Variants in RGS6 observed in about 807,000 individuals in gnomAD.
The protein encoded by RGS6 is regulator of G-protein signaling 6.
Under a neutral mutation model 78.5 loss-of-function variants are expected in RGS6, and 30 were observed. That is an observed-to-expected ratio of 0.38 (90% CI 0.29 to 0.52). RGS6 has a LOEUF of 0.52. Ranked by LOEUF, RGS6 falls within the 20% of genes least tolerant of loss-of-function variation. The probability of loss-of-function intolerance (pLI) is 0.85; values close to 1 mark genes in which losing one functional copy is unlikely to be tolerated. For synonymous variants in RGS6, 206 were observed against 206.0 expected (o/e 1.00, Z 0.00); for missense variants, 495 against 609.7 (o/e 0.81, Z 1.98).
At chr14:72,247,431 G>A (rs995071903) in intron 2 of RGS6, among the ~76,000 whole-genome samples, 3 of 152,122 alleles carry the variant, frequency 2.0e-5, no homozygotes, top group Admixed American at 2.0e-4. Flanking sequence ...TTTAAAATCA[G>A]GTTTTTCTAA....
intron 2 of RGS6, among the ~76,000 whole-genome samples, chr14:72,327,136 CCT>C (rs1326292411): frequency 6.6e-6 from 1 of 152,138 alleles, no homozygotes; most frequent in Non-Finnish European, 1.5e-5. Context: ...TAATGTATCC[CCT>C]TTTTTATCTG....
chr14:71,947,518 T>C (rs941835560), intron 1 of RGS6, among the ~76,000 whole-genome samples: 7 of 152,178 alleles, frequency 4.6e-5, no homozygotes, highest in African/African-American at 1.7e-4. Flanking sequence ...AGGGTCTCAC[T>C]CTGTTGCCCA....
At chr14:72,121,218 C>T (rs2096043022) in intron 2 of RGS6, among the ~76,000 whole-genome samples, 1 of 152,210 alleles carries the variant, frequency 6.6e-6, no homozygotes. Flanking sequence ...TGCTCTTTGA[C>T]TCAGCTTTTA....
chr14:71,907,107 T>C, the RGS6 span, among the ~76,000 whole-genome samples: 1 of 152,208 alleles, frequency 6.6e-6, no homozygotes, highest in African/African-American at 2.4e-5. Context: ...AGACATGGTA[T>C]TGGATGTGGA....
the RGS6 span, among the ~76,000 whole-genome samples, chr14:71,891,111 T>A: frequency 6.6e-6 from 1 of 152,230 alleles, no homozygotes; most frequent in Admixed American, 6.5e-5. Context: ...CCAGTCTAAT[T>A]TTTTTAAAGC....
the RGS6 span, among the ~76,000 whole-genome samples, chr14:71,925,186 C>CAT: frequency 6.6e-6 from 1 of 152,158 alleles, no homozygotes; most frequent in Non-Finnish European, 1.5e-5. Context: ...ACATTCTTTT[C>CAT]ATATATGGGT....
chr14:72,146,270 C>T (rs933504818), intron 2 of RGS6, among the ~76,000 whole-genome samples: 4 of 152,224 alleles, frequency 2.6e-5, no homozygotes, highest in East Asian at 3.9e-4. Flanking sequence ...CCTCTCAACA[C>T]TCTTGCATTG....
intron 2 of RGS6, among the ~76,000 whole-genome samples, chr14:72,164,176 A>G (rs184889130): frequency 2.3e-4 from 35 of 152,216 alleles, no homozygotes; most frequent in African/African-American, 8.2e-4. Context: ...TAGTTGTAGC[A>G]TTTTGTTTTC....
At chr14:72,367,758 A>T (rs2190508) in intron 3 of RGS6, among the ~76,000 whole-genome samples, 1 of 151,946 alleles carries the variant, frequency 6.6e-6, no homozygotes. Context: ...TTGGCAATAC[A>T]GTTTGGAGTC....
intron 12 of RGS6, among the ~76,000 whole-genome samples, chr14:72,482,169 T>G (rs527774436): frequency 1.3e-5 from 2 of 152,338 alleles, no homozygotes; most frequent in East Asian, 3.9e-4. Flanking sequence ...CTTTACTTCC[T>G]AATAAAAGGA....
At chr14:72,270,533 G>A (rs1360198110) in intron 2 of RGS6, among the ~76,000 whole-genome samples, 1 of 152,216 alleles carries the variant, frequency 6.6e-6, no homozygotes, top group Non-Finnish European at 1.5e-5. Context: ...GTGGTTGGCG[G>A]CATTAGTTGA....
chr14:72,497,557 T>A (rs1469446054), intron 13 of RGS6, among the ~76,000 whole-genome samples: 1 of 152,192 alleles, frequency 6.6e-6, no homozygotes, highest in Admixed American at 6.5e-5. Flanking sequence ...TTGTATTAAC[T>A]TTTAAATGTT....
intron 17 of RGS6, among the ~76,000 whole-genome samples, chr14:72,546,089 G>A (rs1203524158): frequency 3.9e-5 from 6 of 152,124 alleles, no homozygotes; most frequent in Non-Finnish European, 8.8e-5. Context: ...AGGCTTTCTG[G>A]TTCCCCAGGG....
chr14:72,534,790 G>T (rs1180078764), intron 15 of RGS6, among the ~76,000 whole-genome samples: 1 of 152,142 alleles, frequency 6.6e-6, no homozygotes, highest in Non-Finnish European at 1.5e-5. Context: ...CCTGGAAAGA[G>T]CACCAAGGAA....
chr14:72,529,655 C>T (rs1468334), intron 15 of RGS6, among the ~76,000 whole-genome samples: 5 of 152,034 alleles, frequency 3.3e-5, no homozygotes, highest in Middle Eastern at 3.4e-3. Context: ...CAGACCCCCC[C>T]CTCCCTGCAA....
At chr14:72,303,835 C>A (rs757689982) in intron 2 of RGS6, among the ~76,000 whole-genome samples, 1 of 152,150 alleles carries the variant, frequency 6.6e-6, no homozygotes, top group Admixed American at 6.5e-5. Context: ...GTATTCTAAA[C>A]CTCTTCTTTC....
chr14:72,487,100 A>G (rs2096501267), intron 12 of RGS6, among the ~76,000 whole-genome samples: 1 of 152,012 alleles, frequency 6.6e-6, no homozygotes, highest in Admixed American at 6.6e-5. Flanking sequence ...AAACTCCAAG[A>G]TGCACTTTGC....
At chr14:72,401,813 A>C (rs575851685) in intron 3 of RGS6, among the ~76,000 whole-genome samples, 5 of 152,348 alleles carry the variant, frequency 3.3e-5, no homozygotes, top group African/African-American at 1.2e-4. Context: ...AGTCTTGCCA[A>C]ACATCCTGAG....
chr14:72,042,985 TA>T (rs930530141), intron 2 of RGS6, among the ~76,000 whole-genome samples: 19 of 152,196 alleles, frequency 1.2e-4, no homozygotes, highest in African/African-American at 4.3e-4. Context: ...TACTATCTTT[TA>T]AAAATTTTAG....
Sources: allele counts gnomAD v4.1 joint callset (sites outside exome capture counted in the v4.1 genomes callset), GRCh38; gene constraint gnomAD v4.1.1; transcripts MANE v1.5; gene names NCBI Gene and HGNC (gene_info 2026-07-23, HGNC 2026-07-21).